TENM3: variants seen among roughly 807,000 people sequenced by gnomAD.
TENM3 encodes the protein teneurin transmembrane protein 3.
A neutral mutation model predicts 255.1 loss-of-function variants in TENM3; 63 were observed. The observed-to-expected ratio is 0.25, with a 90% CI of 0.20 to 0.30. The LOEUF is 0.30. Among genes scored for constraint, TENM3 ranks in the 10% least tolerant of loss-of-function variants. TENM3 has a pLI of 1.00. For missense variants in TENM3, 2,929 were observed against 3,461.1 expected, an observed-to-expected ratio of 0.85 and a Z score of 3.86; for synonymous variants, 1,306 against 1,322.3, an observed-to-expected ratio of 0.99 and a Z score of 0.27.
the TENM3 span, among the ~76,000 whole-genome samples, chr4:182,101,071 AAAGG>A: frequency 7.9e-5 from 4 of 50,758 alleles, no homozygotes; most frequent in Non-Finnish European, 1.6e-4. Flanking sequence ...GGAGGAAAAG[AAAGG>A]AAGGGAGGGA....
chr4:182,614,553 T>G (rs575843984), intron 4 of TENM3, among the ~76,000 whole-genome samples: 2 of 152,290 alleles, frequency 1.3e-5, no homozygotes, highest in East Asian at 3.9e-4. Context: ...GAGACAAGCC[T>G]TTTTATTTTT....
intron 1 of TENM3, among the ~76,000 whole-genome samples, chr4:182,304,448 A>G (rs561100256): frequency 1.3e-5 from 2 of 152,238 alleles, no homozygotes; most frequent in Non-Finnish European, 2.9e-5. Context: ...TCCTGACCTC[A>G]TGATCCACCC....
intron 1 of TENM3, among the ~76,000 whole-genome samples, chr4:182,202,166 A>G (rs1754221914): frequency 6.6e-6 from 1 of 152,216 alleles, no homozygotes; most frequent in Non-Finnish European, 1.5e-5. Context: ...AAAGCCTGAG[A>G]GTTTTATAGC....
chr4:181,750,891 A>G, the TENM3 span, among the ~76,000 whole-genome samples: 2 of 152,150 alleles, frequency 1.3e-5, no homozygotes, highest in Non-Finnish European at 2.9e-5. Context: ...GCACCTCTGC[A>G]TTTTTAGAAA....
chr4:182,120,091 G>GCACACA, the TENM3 span, among the ~76,000 whole-genome samples: 4 of 58,320 alleles, frequency 6.9e-5, no homozygotes, highest in African/African-American at 1.5e-4. Flanking sequence ...ATGCGTGCGT[G>GCACACA]CGCGCACACA....
intron 12 of TENM3, among the ~76,000 whole-genome samples, chr4:182,689,020 A>G (rs1756809789): frequency 6.6e-6 from 1 of 152,222 alleles, no homozygotes; most frequent in South Asian, 2.1e-4. Context: ...TAGCATAGAT[A>G]CAAAAGTATC....
chr4:182,427,782 CAT>C (rs1265956776), intron 3 of TENM3, among the ~76,000 whole-genome samples: 1 of 152,122 alleles, frequency 6.6e-6, no homozygotes, highest in Non-Finnish European at 1.5e-5. Flanking sequence ...AATTCAGACA[CAT>C]ACACAGTATG....
In TENM3 at chr4:182,729,190, T is replaced by G. The variant is rs779282836; in HGVS notation, c.2585+9T>G. The stretch of plus-strand genomic sequence containing the variant: ...AGTCCTTTCAATAAGAGGTTAATGC[T>G]TCTTTTCCATATGTAGATTTGTAAT... On this transcript the variant is annotated intron_variant, in intron 14 of 27. Coordinates refer to ENST00000511685, the MANE Select transcript of TENM3 (RefSeq NM_001080477.4). The G allele has an allele frequency of 7.5e-6, 12 of 1,594,874 alleles. No homozygotes were observed. In the Admixed American group the frequency reaches 1.7e-4, roughly 22 times the overall value.
chr4:181,568,596 C>T, the TENM3 span, among the ~76,000 whole-genome samples: 1 of 152,172 alleles, frequency 6.6e-6, no homozygotes. Context: ...GCAAACTCCT[C>T]AGGGAAATCT....
intron 4 of TENM3, among the ~76,000 whole-genome samples, chr4:182,624,143 T>A (rs1207154605): frequency 1.3e-5 from 2 of 152,202 alleles, no homozygotes; most frequent in Non-Finnish European, 2.9e-5. Context: ...TGGGACATGG[T>A]ATATCTTCAG....
the TENM3 span, among the ~76,000 whole-genome samples, chr4:181,802,954 G>A: frequency 1.3e-5 from 2 of 152,170 alleles, no homozygotes; most frequent in African/African-American, 4.8e-5. Flanking sequence ...ACCAACAAAC[G>A]ATGCTACATT....
rs2152412165 is a variant in TENM3, at chr4:182,600,933, C to A, written c.521C>A (p.Ala174Glu). 4.9e-6 allele frequency: 5 copies of A among 1,021,474 alleles called. No homozygotes were observed. Among genetic ancestry groups the A allele is most frequent in the Non-Finnish European group, 6.9e-6 (5 of 725,450 alleles). 63.3% of individuals were successfully genotyped at this position (1,021,474 alleles called of 1,614,324 possible). ...NKSDSENEQP[A>E]SNQGQSTLQP... ...TTTTTTTTTTTTTCAGAGCAACCTG[C>A]AAGCAATCAAGGCCAGTCTACCCTG... Residue 174 changes from alanine to glutamate, a missense_variant, in exon 4 of 28, where the codon GCA becomes GAA. Physicochemically the swap from Ala to Glu is moderately radical, Grantham distance 107. This residue lies in a region of TENM3 where 283 missense variants were observed against 256.9 expected (regional missense o/e 1.10). Coordinates refer to ENST00000511685, the MANE Select transcript of TENM3 (RefSeq NM_001080477.4).
chr4:182,358,450 A>C (rs1490228555), intron 3 of TENM3, among the ~76,000 whole-genome samples: 2 of 151,876 alleles, frequency 1.3e-5, no homozygotes, highest in Non-Finnish European at 2.9e-5. Flanking sequence ...TGTAAGGTGG[A>C]TTCCTAGGTA....
chr4:181,455,337 C>G, the TENM3 span, among the ~76,000 whole-genome samples: 1 of 151,998 alleles, frequency 6.6e-6, no homozygotes, highest in Non-Finnish European at 1.5e-5. Context: ...GACAATCAGT[C>G]TTCAAAAGAA....
the TENM3 span, among the ~76,000 whole-genome samples, chr4:181,494,499 T>G: frequency 4.6e-5 from 7 of 152,154 alleles, no homozygotes; most frequent in African/African-American, 1.7e-4. Context: ...TTGGCCAGGC[T>G]GGTCTCAAAC....
At chr4:182,114,586 T>C in the TENM3 span, among the ~76,000 whole-genome samples, 1 of 152,128 alleles carries the variant, frequency 6.6e-6, no homozygotes, top group African/African-American at 2.4e-5. Flanking sequence ...TGTTTATAGA[T>C]GTAGAGACAG....
intron 3 of TENM3, among the ~76,000 whole-genome samples, chr4:182,584,840 T>TA (rs1745847712): frequency 6.6e-6 from 1 of 151,912 alleles, no homozygotes; most frequent in Non-Finnish European, 1.5e-5. Context: ...CAGGGTTTCT[T>TA]CATGCTGTTC....
At chr4:182,440,788 G>A (rs537000250) in intron 3 of TENM3, among the ~76,000 whole-genome samples, 6 of 152,048 alleles carry the variant, frequency 3.9e-5, no homozygotes, top group African/African-American at 1.2e-4. Flanking sequence ...AAGACCGTGC[G>A]GAAGGCATTG....
At chr4:182,439,501 G>A (rs191489257) in intron 3 of TENM3, among the ~76,000 whole-genome samples, 21 of 152,304 alleles carry the variant, frequency 1.4e-4, no homozygotes, top group Non-Finnish European at 1.5e-5. Flanking sequence ...GATGTCCTGT[G>A]ACGATTAAAC....
Sources: allele counts gnomAD v4.1 joint callset (sites outside exome capture counted in the v4.1 genomes callset), GRCh38; gene constraint gnomAD v4.1.1; regional missense constraint gnomAD v4.1.1; transcripts MANE v1.5; gene names NCBI Gene and HGNC (gene_info 2026-07-23, HGNC 2026-07-21).